The following CCDC80 variants were observed in gnomAD, a reference collection of about 807,000 sequenced individuals.
CCDC80 encodes coiled-coil domain-containing protein 80.
Under a neutral mutation model 78.7 loss-of-function variants are expected in CCDC80, and 49 were observed. The observed-to-expected ratio is 0.62, with a 90% CI of 0.50 to 0.79. The LOEUF (loss-of-function observed/expected upper bound fraction) is 0.79. CCDC80 is among the 30% of genes least tolerant of loss of function. The probability of loss-of-function intolerance (pLI) is 0.00; values close to 1 mark genes in which losing one functional copy is unlikely to be tolerated. For missense variants in CCDC80, 1,205 were observed against 1,198.6 expected, an observed-to-expected ratio of 1.01 and a Z score of -0.08; for synonymous variants, 488 against 447.0, an observed-to-expected ratio of 1.09 and a Z score of -1.16.
At chr3:112,610,186 GA>G (rs11305337) in intron 5 of CCDC80, 105 bp from the exon 6 acceptor site, 22,070 of 612,090 alleles carry the variant, frequency 0.036, 325 homozygotes, top group African/African-American at 0.12. Context: ...TCTGTGCCCA[GA>G]AAAAAAAAAA....
rs1935411924 is a variant in CCDC80 at position 112,603,524 on chromosome 3, A to C, written c.*1893T>G. ...AGCGAGACTCCATCTCGAAAAAAAT[A>C]TATATATATATAATATATATTATAT... On this transcript the variant is annotated 3_prime_UTR_variant, in exon 8 of 8. Transcript: ENST00000206423. 6.9e-6 allele frequency: 1 copy of C among 145,210 alleles called. No individual in the cohort carries two copies. The highest frequency in any genetic ancestry group is 2.5e-5 in the African/African-American group (1 of 40,000). 9.0% of individuals were successfully genotyped at this position (145,210 alleles called of 1,614,324 possible). A position where few individuals can be genotyped will look rare whatever the true frequency, so the allele number is the denominator to read the frequency against.
intron 2 of CCDC80, among the ~76,000 whole-genome samples, chr3:112,636,084 G>T (rs1331833064): frequency 6.6e-6 from 1 of 152,148 alleles, no homozygotes; most frequent in African/African-American, 2.4e-5. Context: ...GGAACATTTT[G>T]CCTGCCCTGT....
intron 2 of CCDC80, among the ~76,000 whole-genome samples, chr3:112,634,998 C>A (rs1037918045): frequency 2.0e-5 from 3 of 152,186 alleles, no homozygotes; most frequent in Non-Finnish European, 4.4e-5. Flanking sequence ...AAGTACCTTG[C>A]AGGATGTGCC....
chr3:112,613,724 A>T (rs1013212097), intron 5 of CCDC80, among the ~76,000 whole-genome samples: 1 of 152,146 alleles, frequency 6.6e-6, no homozygotes, highest in Non-Finnish European at 1.5e-5. Context: ...AATGAACTGG[A>T]TGATAACTGT....
intron 4 of CCDC80, among the ~76,000 whole-genome samples, chr3:112,617,418 A>T (rs1338395490): frequency 6.6e-6 from 1 of 152,246 alleles, no homozygotes; most frequent in Non-Finnish European, 1.5e-5. Context: ...CCTGAATCAC[A>T]GCTGCCTGGA....
chr3:112,621,119 C>T (rs1452765023), intron 3 of CCDC80, among the ~76,000 whole-genome samples: 1 of 152,140 alleles, frequency 6.6e-6, no homozygotes, highest in African/African-American at 2.4e-5. Flanking sequence ...TATACCTATG[C>T]CCAGTAACTA....
intron 7 of CCDC80, 110 bp downstream of exon 7, chr3:112,607,066 T>G: frequency 2.8e-6 from 2 of 720,498 alleles, no homozygotes; most frequent in East Asian, 2.8e-5. Context: ...GGAGGAGGAT[T>G]CAATGAACTT....
intron 2 of CCDC80, among the ~76,000 whole-genome samples, chr3:112,632,300 C>G (rs1181407236): frequency 6.6e-6 from 1 of 151,926 alleles, no homozygotes; most frequent in Admixed American, 6.6e-5. Flanking sequence ...AGTAAAAACA[C>G]AAAACAGTAA....
At position 112,629,744 on chromosome 3, in the gene CCDC80, C is replaced by T. The variant is rs529172460; in HGVS notation, c.2035+369G>A. Among the ~76,000 whole-genome samples the T allele has an allele frequency of 8.5e-5, 13 of 152,242 alleles. No individual in the cohort carries two copies. The South Asian group carries it at 2.7e-3, about 32-fold the overall frequency. The stretch of plus-strand genomic sequence containing the variant: ...CCCATCTGTGATGAGTCACCTGCAG[C>T]GGAGAGTCTGCAGGAAGATCAGACG... On this transcript the variant is annotated intron_variant, in intron 3 of 7. Coordinates refer to ENST00000206423, the MANE Select transcript of CCDC80 (RefSeq NM_199511.3).
intron 3 of CCDC80, among the ~76,000 whole-genome samples, chr3:112,623,491 T>G (rs1489275814): frequency 6.6e-6 from 1 of 152,176 alleles, no homozygotes; most frequent in Non-Finnish European, 1.5e-5. Context: ...TCTAGCAGTT[T>G]GTAAAAGTAC....
In CCDC80 at chr3:112,640,070, T is replaced by C. The variant is rs969084443; in HGVS notation, c.-11-154A>G. 2.7e-5 allele frequency: 24 copies of C among 872,948 alleles called. No individual in the cohort carries two copies. In the South Asian group the frequency reaches 1.2e-3, roughly 42 times the overall value. The allele number at this position is 872,948 out of a possible 1,614,324, so 54.1% of individuals were successfully genotyped here. A position where few individuals can be genotyped will look rare whatever the true frequency, so the allele number is the denominator to read the frequency against. The stretch of plus-strand genomic sequence containing the variant: ...AGAGAGAAGGAGGGAGGTCAGGAGA[T>C]GGAAAATGGGATGAGATCCTGTTAC... On this transcript the variant is annotated intron_variant, in intron 1 of 7. Transcript: ENST00000206423.
In CCDC80 at chr3:112,631,608, G is replaced by T. The variant is rs76229523; in HGVS notation, c.1879-1339C>A. Among the ~76,000 whole-genome samples the T allele has an allele frequency of 1.2e-3, 179 of 152,098 alleles. 1 individual carries two copies. The highest frequency in any genetic ancestry group is 1.4e-3 in the East Asian group (7 of 5,182). On this transcript the variant is annotated intron_variant, in intron 2 of 7. Transcript: ENST00000206423. ...CCGCCTAAACTTATAAACTATTTCCGATATTTATGACTATTACCTTGGCAT... is the reference window on the plus strand; with the variant it reads ...CCGCCTAAACTTATAAACTATTTCCTATATTTATGACTATTACCTTGGCAT...
intron 4 of CCDC80, among the ~76,000 whole-genome samples, chr3:112,618,512 G>T (rs189171627): frequency 1.0e-3 from 152 of 151,720 alleles, no homozygotes; most frequent in Non-Finnish European, 2.1e-3. Context: ...GGGCAACAGG[G>T]TGAGACTCCG....
chr3:112,618,338 G>A (rs1935793941), intron 4 of CCDC80, among the ~76,000 whole-genome samples: 1 of 152,136 alleles, frequency 6.6e-6, no homozygotes, highest in South Asian at 2.1e-4. Context: ...TGCTAACACA[G>A]TGAAACCCCA....
In CCDC80 at chr3:112,639,654, T is replaced by C; in HGVS notation, c.252A>G (p.Arg84=). The change falls in exon 2 of 8, where the codon AGA becomes AGG. Residue 84 remains arginine, a synonymous_variant. Transcript: ENST00000206423. The part of the protein sequence containing the change: ...LQRRRSVPVL[R]LARPTEPPAR... The stretch of plus-strand genomic sequence containing the variant: ...CTGGCGGCTCTGTTGGGCGAGCTAG[T>C]CTCAACACGGGCACACTCCTCCTTC... 6.2e-7 allele frequency: 1 copy of C among 1,614,134 alleles called. No homozygotes were observed. The highest frequency in any genetic ancestry group is 8.5e-7 in the Non-Finnish European group (1 of 1,180,030).
At chr3:112,635,810 G>A (rs1425568554) in intron 2 of CCDC80, among the ~76,000 whole-genome samples, 1 of 152,166 alleles carries the variant, frequency 6.6e-6, no homozygotes, top group Non-Finnish European at 1.5e-5. Context: ...AGCAGAAGCT[G>A]TCATTTGAGT....
intron 3 of CCDC80, among the ~76,000 whole-genome samples, chr3:112,627,631 C>A (rs1391398859): frequency 1.3e-5 from 2 of 152,160 alleles, no homozygotes; most frequent in African/African-American, 4.8e-5. Context: ...TTTTTTGGTT[C>A]ACTGAGCCCA....
rs1451739626 is a variant in CCDC80, at chr3:112,616,876, G to A, written c.2173-18C>T. Reference sequence around the variant, plus strand: ...TAGTATTGCTGTTTAAGAAAAAACAGAATGCATTTAATGTACAAGTGCATT... The same window carrying A: ...TAGTATTGCTGTTTAAGAAAAAACAAAATGCATTTAATGTACAAGTGCATT... On this transcript the variant is annotated intron_variant, in intron 4 of 7. Coordinates refer to ENST00000206423, the MANE Select transcript of CCDC80 (RefSeq NM_199511.3). 6 of 1,611,114 alleles carry A rather than the reference G, an allele frequency of 3.7e-6. No individual in the cohort carries two copies. The highest frequency in any genetic ancestry group is 5.1e-6 in the Non-Finnish European group (6 of 1,179,170).
At position 112,638,018 on chromosome 3, in the gene CCDC80, G is replaced by A. The variant is rs1936240842; in HGVS notation, c.1878+10C>T. On this transcript the variant is annotated intron_variant, in intron 2 of 7. Transcript: ENST00000206423. Reference sequence around the variant, plus strand: ...GCCCATAGAAGAATGCCAAGGAGAAGGCTACTTACAAGGAGTCTTCGTTTG... The same window carrying A: ...GCCCATAGAAGAATGCCAAGGAGAAAGCTACTTACAAGGAGTCTTCGTTTG... The A allele has an allele frequency of 3.8e-6, 6 of 1,584,262 alleles. No homozygotes were observed. The highest frequency in any genetic ancestry group is 1.2e-5 in the South Asian group (1 of 85,258).
Sources: gnomAD v4.1 joint callset for allele counts (sites outside exome capture counted in the v4.1 genomes callset) on GRCh38, gnomAD v4.1.1 for gene constraint, MANE v1.5 for transcripts, NCBI Gene and HGNC (gene_info 2026-07-23, HGNC 2026-07-21) for gene names.